Variants in FOXN2 observed in about 807,000 individuals in gnomAD.
FOXN2 encodes the protein forkhead box N2, also known as forkhead box protein N2.
A neutral mutation model predicts 41.2 loss-of-function variants in FOXN2; 19 were observed. The ratio of observed to expected loss-of-function variants is 0.46; its 90% CI spans 0.32 to 0.68. The LOEUF (loss-of-function observed/expected upper bound fraction) is 0.68, where lower values mean the gene tolerates loss of function less well. Ranked by LOEUF, FOXN2 falls within the 30% of genes least tolerant of loss-of-function variation. The probability of loss-of-function intolerance (pLI) is 0.03; values close to 1 mark genes in which losing one functional copy is unlikely to be tolerated. For missense variants in FOXN2, 587 were observed against 509.4 expected (o/e 1.15, Z -1.47); for synonymous variants, 195 against 176.8 (o/e 1.10, Z -0.82).
Position 48,346,356 on chromosome 2 carries a change from G to C in FOXN2, c.142G>C (p.Asp48His). Reference sequence around the variant, plus strand: ...TGCCAGGCCGAAGGCCACTCTAGTGGACAGTGAGTCAGCAGATGATGAACT... The same window carrying C: ...TGCCAGGCCGAAGGCCACTCTAGTGCACAGTGAGTCAGCAGATGATGAACT... Reference protein sequence around the residue: ...DAARPKATLVDSESADDELTN... With the variant: ...DAARPKATLVHSESADDELTN... Residue 48 changes from aspartate (D) to histidine (H), a missense_variant, in exon 3 of 7, where the codon GAC (aspartate) becomes CAC (histidine). Asp to His is a moderately conservative substitution (Grantham distance 81). Transcript: ENST00000340553. 1 of 1,614,202 alleles carries C rather than the reference G, an allele frequency of 6.2e-7. No homozygotes were observed. Among genetic ancestry groups the C allele is most frequent in the South Asian group, 1.1e-5 (1 of 91,080 alleles).
At chr2:48,371,473 T>C (rs1016505437) in intron 5 of FOXN2, among the ~76,000 whole-genome samples, 17 of 152,174 alleles carry the variant, frequency 1.1e-4, no homozygotes, top group African/African-American at 4.1e-4. Flanking sequence ...CTATGTGTCT[T>C]ATTTTTATGC....
chr2:48,369,318 A>T (rs952983283), intron 5 of FOXN2, among the ~76,000 whole-genome samples: 1 of 152,160 alleles, frequency 6.6e-6, no homozygotes, highest in African/African-American at 2.4e-5. Flanking sequence ...CGGGTGGATC[A>T]TCTGAGGTCA....
intron 2 of FOXN2, among the ~76,000 whole-genome samples, chr2:48,337,576 G>A (rs1572719727): frequency 6.6e-6 from 1 of 151,960 alleles, no homozygotes; most frequent in South Asian, 2.1e-4. Flanking sequence ...AAAGTGCTGG[G>A]ATTACAGGTG....
chr2:48,324,580 T>C (rs978850457), intron 1 of FOXN2, among the ~76,000 whole-genome samples: 1 of 152,200 alleles, frequency 6.6e-6, no homozygotes, highest in Non-Finnish European at 1.5e-5. Flanking sequence ...TGTGGTATGA[T>C]TTGGGTATAA....
chr2:48,323,165 T>G lies in FOXN2; in HGVS notation c.-156-5396T>G, dbSNP rs573420211. Among the ~76,000 whole-genome samples the G allele has an allele frequency of 2.9e-4, 43 of 148,410 alleles. No individual in the cohort carries two copies. In the South Asian group the frequency reaches 3.7e-3, roughly 13 times the overall value. On this transcript the variant is annotated intron_variant, in intron 1 of 6. Transcript: ENST00000340553. ...TGTATCAATATTTTTAAATATTCTG[T>G]TTTTTTTTTATAACTGATATATTTT...
intron 3 of FOXN2, among the ~76,000 whole-genome samples, chr2:48,347,417 G>C (rs1254875060): frequency 2.0e-5 from 3 of 151,630 alleles, no homozygotes; most frequent in Admixed American, 2.0e-4. Context: ...TAATAGAGAT[G>C]GGGTTTTGCC....
At chr2:48,333,183 A>G (rs1162246711) in intron 2 of FOXN2, among the ~76,000 whole-genome samples, 1 of 152,136 alleles carries the variant, frequency 6.6e-6, no homozygotes, top group Non-Finnish European at 1.5e-5. Context: ...CCATGCATGT[A>G]GTAGAAGCAA....
chr2:48,347,935 C>T (rs146534412), intron 3 of FOXN2, among the ~76,000 whole-genome samples: 16 of 151,928 alleles, frequency 1.1e-4, no homozygotes, highest in Admixed American at 5.9e-4. Flanking sequence ...GTCATTATTC[C>T]TCTTTATGTA....
chr2:48,346,901 G>T, intron 3 of FOXN2, 150 bp downstream of exon 3: 1 of 636,118 alleles, frequency 1.6e-6, no homozygotes, highest in Non-Finnish European at 2.5e-6. Flanking sequence ...TTTCACTTGA[G>T]ATGTTTTAAA....
intron 3 of FOXN2, among the ~76,000 whole-genome samples, chr2:48,355,877 T>A (rs1572752764): frequency 6.6e-6 from 1 of 152,216 alleles, no homozygotes; most frequent in Non-Finnish European, 1.5e-5. Context: ...GGTTTGGTAT[T>A]TATTTGTCTC....
chr2:48,335,005 A>C (rs1474191556), intron 2 of FOXN2, among the ~76,000 whole-genome samples: 1 of 152,224 alleles, frequency 6.6e-6, no homozygotes, highest in Non-Finnish European at 1.5e-5. Context: ...TACTACTCCC[A>C]AGGGCCTGAT....
chr2:48,318,105 G>A (rs546518332), intron 1 of FOXN2, among the ~76,000 whole-genome samples: 1 of 152,204 alleles, frequency 6.6e-6, no homozygotes, highest in Admixed American at 6.5e-5. Flanking sequence ...TATAGTTACA[G>A]AAAAGTTGCA....
chr2:48,331,522 A>G lies in FOXN2; in HGVS notation c.-15+2820A>G, dbSNP rs568131544. On this transcript the variant is annotated intron_variant, in intron 2 of 6. Coordinates refer to ENST00000340553, the MANE Select transcript of FOXN2 (RefSeq NM_002158.4). ...TAAGTTATTAAAGAATACACTAAAA[A>G]TCATTTATGTTGGCCAGGCACACTG... Among the ~76,000 whole-genome samples, 48 of 152,296 alleles carry G rather than the reference A, an allele frequency of 3.2e-4. 1 individual carries two copies. The highest frequency in any genetic ancestry group is 1.0e-3 in the African/African-American group (43 of 41,578).
At chr2:48,313,903 G>A (rs1160842361), upstream of FOXN2, among the ~76,000 whole-genome samples, 4 of 152,154 alleles carry the variant, frequency 2.6e-5, no homozygotes, top group Non-Finnish European at 4.4e-5. Context: ...GTTTAAATGA[G>A]CTCTCCTGTA....
At position 48,346,558 on chromosome 2, in the gene FOXN2, A is replaced by T; in HGVS notation, c.344A>T (p.Tyr115Phe). The T allele has an allele frequency of 6.2e-7, 1 of 1,613,312 alleles. No individual in the cohort carries two copies. Among genetic ancestry groups the T allele is most frequent in the Non-Finnish European group, 8.5e-7 (1 of 1,179,806 alleles). The change falls in exon 3 of 7, where the codon TAC (tyrosine) becomes TTC (phenylalanine). Residue 115 changes from tyrosine to phenylalanine, a missense_variant. Transcript: ENST00000340553. ...EKKSATSKPP[Y>F]SFSLLIYMAI... ...AAATCAGCGACTTCAAAGCCCCCAT[A>T]CTCCTTTAGTCTTCTCATTTATATG...
intron 2 of FOXN2, among the ~76,000 whole-genome samples, chr2:48,334,922 A>G (rs1670235759): frequency 6.6e-6 from 1 of 152,242 alleles, no homozygotes; most frequent in South Asian, 2.1e-4. Flanking sequence ...GTGCTACCAC[A>G]AACCAGCTCT....
intron 2 of FOXN2, among the ~76,000 whole-genome samples, chr2:48,338,981 T>G (rs1200587282): frequency 6.6e-6 from 1 of 152,024 alleles, no homozygotes; most frequent in African/African-American, 2.4e-5. Context: ...TATCCAAACA[T>G]TACAAATCAT....
At chr2:48,355,486 A>G (rs939783120) in intron 3 of FOXN2, among the ~76,000 whole-genome samples, 4 of 152,132 alleles carry the variant, frequency 2.6e-5, no homozygotes, top group Non-Finnish European at 2.9e-5. Context: ...TCAGTTAACT[A>G]TTTTGCCTAA....
chr2:48,334,892 G>A (rs113516251), intron 2 of FOXN2, among the ~76,000 whole-genome samples: 10 of 152,122 alleles, frequency 6.6e-5, no homozygotes, highest in African/African-American at 2.2e-4. Context: ...ACTGCAAATC[G>A]AAAAAATGTC....
Sources: allele counts gnomAD v4.1 joint callset (sites outside exome capture counted in the v4.1 genomes callset), GRCh38; gene constraint gnomAD v4.1.1; transcripts MANE v1.5; gene names NCBI Gene and HGNC (gene_info 2026-07-23, HGNC 2026-07-21).